Variants in EFCAB11 observed in about 807,000 individuals in gnomAD.
EFCAB11 encodes the protein EF-hand calcium-binding domain-containing protein 11.
A neutral mutation model predicts 23.0 loss-of-function variants in EFCAB11; 14 were observed. That is an observed-to-expected ratio of 0.61 (90% CI 0.40 to 0.95). The LOEUF (loss-of-function observed/expected upper bound fraction) is 0.95, where lower values mean the gene tolerates loss of function less well. Among genes scored for constraint, EFCAB11 ranks in the 40% least tolerant of loss-of-function variants. The probability of loss-of-function intolerance (pLI) is 0.00; values close to 1 mark genes in which losing one functional copy is unlikely to be tolerated. For synonymous variants in EFCAB11, 65 were observed against 66.6 expected (o/e 0.98, Z 0.11); for missense variants, 198 against 195.8 (o/e 1.01, Z -0.07).
Position 89,811,307 on chromosome 14 carries a change from T to TG in EFCAB11, c.411-13984dup, listed in dbSNP as rs544051690. On this transcript the variant is annotated intron_variant, in intron 5 of 5. Coordinates refer to ENST00000316738, the MANE Select transcript of EFCAB11 (RefSeq NM_145231.4). ...GAAGTCTATGTAAGGACCTTGGTCG[T>TG]GATGCAAAGAGCGATGGGAAGTCAT... Among the ~76,000 whole-genome samples, 257 of 152,226 alleles carry TG rather than the reference T, an allele frequency of 1.7e-3. 3 individuals are homozygous for TG. Among genetic ancestry groups the TG allele is most frequent in the African/African-American group, 6.0e-3 (248 of 41,534 alleles).
intron 5 of EFCAB11, among the ~76,000 whole-genome samples, chr14:89,821,157 G>T (rs1278253670): frequency 6.6e-6 from 1 of 152,030 alleles, no homozygotes; most frequent in Non-Finnish European, 1.5e-5. Flanking sequence ...CCACTGTGCT[G>T]GGCAGTGATT....
intron 5 of EFCAB11, among the ~76,000 whole-genome samples, chr14:89,898,590 C>A (rs1889243673): frequency 6.6e-6 from 1 of 151,488 alleles, no homozygotes; most frequent in South Asian, 2.1e-4. Flanking sequence ...GTCTTGAACT[C>A]CTGGTGTCAA....
chr14:89,867,376 A>G (rs898232004), intron 5 of EFCAB11, among the ~76,000 whole-genome samples: 1 of 152,134 alleles, frequency 6.6e-6, no homozygotes, highest in East Asian at 1.9e-4. Context: ...ACCTCAACCA[A>G]TGGAGCTTCT....
intron 5 of EFCAB11, chr14:89,848,989 G>A (rs1652847912): frequency 6.6e-6 from 1 of 152,206 alleles, no homozygotes; most frequent in Non-Finnish European, 1.5e-5. Flanking sequence ...ATAACGTTCA[G>A]TGATAAGCTG....
chr14:89,829,177 G>A (rs1886806115), intron 5 of EFCAB11, among the ~76,000 whole-genome samples: 1 of 152,146 alleles, frequency 6.6e-6, no homozygotes, highest in African/African-American at 2.4e-5. Flanking sequence ...TTTTGTGTAG[G>A]GTATGTTCTG....
intron 5 of EFCAB11, among the ~76,000 whole-genome samples, chr14:89,859,002 T>A (rs912787473): frequency 1.3e-5 from 2 of 151,394 alleles, no homozygotes; most frequent in African/African-American, 2.4e-5. Flanking sequence ...CTCAAAAGAG[T>A]GGTGGATTGT....
At chr14:89,921,063 TA>T (rs199585363) in intron 5 of EFCAB11, among the ~76,000 whole-genome samples, 19,255 of 111,304 alleles carry the variant, frequency 0.17, 1,482 homozygotes, top group South Asian at 0.28. Context: ...AGACTCTGTC[TA>T]AAAAAAAAAA....
intron 5 of EFCAB11, among the ~76,000 whole-genome samples, chr14:89,883,425 T>C (rs549119582): frequency 9.2e-5 from 14 of 152,360 alleles, no homozygotes; most frequent in Non-Finnish European, 1.3e-4. Flanking sequence ...CTAAAATTCA[T>C]AGATGCTTAA....
At chr14:89,815,528 G>A (rs1296194815) in intron 5 of EFCAB11, among the ~76,000 whole-genome samples, 3 of 151,896 alleles carry the variant, frequency 2.0e-5, no homozygotes, top group South Asian at 2.1e-4. Flanking sequence ...CCAGGTTCAA[G>A]CAATTTTCCT....
rs1885588289 is a variant in EFCAB11 at position 89,796,793 on chromosome 14, G to A, written c.*450C>T. ...AGATGATGAGATTCAGGGTGGGATGGTGAGGACAATGAAGTGAGTGAGTAG... is the reference window on the plus strand; with the variant it reads ...AGATGATGAGATTCAGGGTGGGATGATGAGGACAATGAAGTGAGTGAGTAG... On this transcript the variant is annotated 3_prime_UTR_variant, in exon 6 of 6. Coordinates refer to ENST00000316738, the MANE Select transcript of EFCAB11 (RefSeq NM_145231.4). 6.5e-6 allele frequency: 1 copy of A among 154,128 alleles called. No homozygotes were observed. The highest frequency in any genetic ancestry group is 6.4e-5 in the Admixed American group (1 of 15,562). 9.5% of individuals were successfully genotyped at this position (154,128 alleles called of 1,614,324 possible).
At chr14:89,889,794 CAT>C (rs1276425279) in intron 5 of EFCAB11, among the ~76,000 whole-genome samples, 5 of 152,230 alleles carry the variant, frequency 3.3e-5, no homozygotes, top group Non-Finnish European at 5.9e-5. Flanking sequence ...GCACATTTCA[CAT>C]GTTTGGTCAC....
chr14:89,828,424 T>C (rs1167692200), intron 5 of EFCAB11, among the ~76,000 whole-genome samples: 1 of 152,188 alleles, frequency 6.6e-6, no homozygotes, highest in Admixed American at 6.5e-5. Context: ...GAAAATACTT[T>C]TCTGAGTATG....
In EFCAB11 at chr14:89,797,291, G is replaced by A; in HGVS notation, c.444C>T (p.Ser148=). 1.9e-6 allele frequency: 3 copies of A among 1,613,268 alleles called. No individual in the cohort carries two copies. The highest frequency in any genetic ancestry group is 2.5e-6 in the Non-Finnish European group (3 of 1,179,772). The change falls in exon 6 of 6, where the codon AGC becomes AGT. Residue 148 remains serine, a synonymous_variant. Transcript: ENST00000316738. ...EVDRDSDGHV[S]FRDFEYALNY... The stretch of plus-strand genomic sequence containing the variant: ...TCAGGGCATATTCAAAGTCTCTAAA[G>A]CTGACGTGACCATCTGAATCTCGAT...
At chr14:89,815,417 T>A (rs1566768951) in intron 5 of EFCAB11, among the ~76,000 whole-genome samples, 1 of 152,056 alleles carries the variant, frequency 6.6e-6, no homozygotes, top group Non-Finnish European at 1.5e-5. Context: ...TTAAAGGAAT[T>A]TCATTATGAA....
intron 5 of EFCAB11, among the ~76,000 whole-genome samples, chr14:89,816,714 G>A (rs764581980): frequency 3.3e-5 from 5 of 151,852 alleles, no homozygotes; most frequent in African/African-American, 4.8e-5. Context: ...GTCTTGCCAC[G>A]GTGAAAAGGC....
rs201835002 is a variant in EFCAB11, at chr14:89,804,898, T to C, written c.411-7574A>G. On this transcript the variant is annotated intron_variant, in intron 5 of 5. Transcript: ENST00000316738. Reference sequence around the variant, plus strand: ...TAATATACATGTCTTATTAATAATATTTAGTCCATTAATAGTAAATAGTAT... The same window carrying C: ...TAATATACATGTCTTATTAATAATACTTAGTCCATTAATAGTAAATAGTAT... 9.2e-5 allele frequency among the ~76,000 whole-genome samples: 14 copies of C among 152,328 alleles called. No homozygotes were observed. The East Asian group carries it at 2.5e-3, about 27-fold the overall frequency.
intron 5 of EFCAB11, among the ~76,000 whole-genome samples, chr14:89,918,604 G>A (rs964501806): frequency 1.3e-5 from 2 of 151,598 alleles, no homozygotes; most frequent in South Asian, 2.1e-4. Context: ...ATGAAGAGAA[G>A]GCAGTAAACC....
At chr14:89,894,837 T>C (rs1889108949) in intron 5 of EFCAB11, among the ~76,000 whole-genome samples, 1 of 152,160 alleles carries the variant, frequency 6.6e-6, no homozygotes, top group African/African-American at 2.4e-5. Flanking sequence ...CTACAAGTAA[T>C]TTAAAAAACA....
intron 5 of EFCAB11, among the ~76,000 whole-genome samples, chr14:89,880,029 T>G (rs1470464861): frequency 6.6e-6 from 1 of 152,198 alleles, no homozygotes; most frequent in Non-Finnish European, 1.5e-5. Flanking sequence ...CTATTAATAG[T>G]TTTTCAGTTT....
Sources: gnomAD v4.1 joint callset for allele counts (sites outside exome capture counted in the v4.1 genomes callset) on GRCh38, gnomAD v4.1.1 for gene constraint, MANE v1.5 for transcripts, NCBI Gene and HGNC (gene_info 2026-07-23, HGNC 2026-07-21) for gene names.